Variants in PCDHGA2 observed in about 807,000 individuals in gnomAD.
PCDHGA2 encodes protocadherin gamma subfamily A, 2.
A neutral mutation model predicts 59.2 loss-of-function variants in PCDHGA2; 40 were observed. The observed-to-expected ratio is 0.68, with a 90% CI of 0.52 to 0.88. The LOEUF (loss-of-function observed/expected upper bound fraction) is 0.88. Ranked by LOEUF, PCDHGA2 falls within the 40% of genes least tolerant of loss-of-function variation. The pLI is 0.00. For synonymous variants in PCDHGA2, 560 were observed against 526.0 expected, an observed-to-expected ratio of 1.06 and a Z score of -0.89; for missense variants, 1,226 against 1,204.0, an observed-to-expected ratio of 1.02 and a Z score of -0.27.
chr5:141,495,041 G>A, intron 2 of PCDHGA2, 176 bp downstream of exon 2: 1 of 942,350 alleles, frequency 1.1e-6, no homozygotes, highest in Non-Finnish European at 1.3e-6. Flanking sequence ...AGGAAGAGGC[G>A]ACTGCCCTGA....
intron 1 of PCDHGA2, among the ~76,000 whole-genome samples, chr5:141,347,203 G>A (rs1015236028): frequency 1.0e-5 from 1 of 98,898 alleles, no homozygotes; most frequent in Non-Finnish European, 2.0e-5. Context: ...ACTCTGTCTG[G>A]AGTGCAGTGG....
chr5:141,350,949 C>A, intron 1 of PCDHGA2: 1 of 1,614,064 alleles, frequency 6.2e-7, no homozygotes, highest in Non-Finnish European at 8.5e-7. Flanking sequence ...ATCCGAGTTA[C>A]GGATGCCAAT....
chr5:141,450,815 A>AT (rs1554136868), intron 1 of PCDHGA2, among the ~76,000 whole-genome samples: 4,329 of 126,688 alleles, frequency 0.034, 70 homozygotes, highest in Middle Eastern at 0.091. Flanking sequence ...TATTTATTTA[A>AT]TATTATTATT....
At chr5:141,406,109 G>C (rs2094766123) in intron 1 of PCDHGA2, among the ~76,000 whole-genome samples, 1 of 144,746 alleles carries the variant, frequency 6.9e-6, no homozygotes, top group South Asian at 2.2e-4. Flanking sequence ...GTGTCATTCT[G>C]TTGTCCAGGG....
chr5:141,375,048 G>A (rs1457528416), intron 1 of PCDHGA2: 4 of 1,614,022 alleles, frequency 2.5e-6, no homozygotes, highest in South Asian at 1.1e-5. Flanking sequence ...GTTGAAGCCC[G>A]GGATGGGCCA....
intron 1 of PCDHGA2, chr5:141,361,013 A>T: frequency 6.2e-7 from 1 of 1,613,268 alleles, no homozygotes; most frequent in Non-Finnish European, 8.5e-7. Flanking sequence ...CACTTTTTCA[A>T]CTTAAATGAA....
At chr5:141,414,932 C>T (rs770025434) in intron 1 of PCDHGA2, 3 of 1,614,162 alleles carry the variant, frequency 1.9e-6, no homozygotes, top group Middle Eastern at 1.7e-4. Context: ...CCCCGCTCCG[C>T]AGAGCCCGGC....
chr5:141,343,178 C>T, intron 1 of PCDHGA2: 1 of 484,862 alleles, frequency 2.1e-6, no homozygotes, highest in Non-Finnish European at 2.7e-6. Context: ...CACCTTAAAT[C>T]CCCAAACATA....
At chr5:141,506,103 C>T (rs1001709380) in intron 3 of PCDHGA2, among the ~76,000 whole-genome samples, 2 of 152,144 alleles carry the variant, frequency 1.3e-5, no homozygotes, top group Admixed American at 1.3e-4. Context: ...GTGGTTGTCC[C>T]TGAAGAGTCA....
intron 1 of PCDHGA2, among the ~76,000 whole-genome samples, chr5:141,405,668 G>A (rs1468042334): frequency 6.6e-6 from 1 of 152,100 alleles, no homozygotes; most frequent in Non-Finnish European, 1.5e-5. Context: ...AGTAGAGACG[G>A]GGTGTCACCA....
chr5:141,503,268 C>A (rs1038268807), intron 2 of PCDHGA2, among the ~76,000 whole-genome samples: 6 of 152,068 alleles, frequency 3.9e-5, no homozygotes, highest in African/African-American at 7.2e-5. Context: ...AACCCCAGCA[C>A]CTGGCTCTGT....
At chr5:141,422,038 G>A (rs949164524) in intron 1 of PCDHGA2, 9 of 1,611,746 alleles carry the variant, frequency 5.6e-6, no homozygotes, top group Non-Finnish European at 7.6e-6. Context: ...AACGGATCCA[G>A]ACGAGGGAAT....
Position 141,432,831 on chromosome 5 carries a change from T to C in PCDHGA2, c.2425-61976T>C. 1 of 1,614,206 alleles carries C rather than the reference T, an allele frequency of 6.2e-7. No individual in the cohort carries two copies. Among genetic ancestry groups the C allele is most frequent in the Non-Finnish European group, 8.5e-7 (1 of 1,180,006 alleles). ...AACTCTGAAACCTCAGACCTCACTC[T>C]GTACCTGGTGGTAGCGGTGGCCGCG... On this transcript the variant is annotated intron_variant, in intron 1 of 3. Coordinates refer to ENST00000394576, the MANE Select transcript of PCDHGA2 (RefSeq NM_018915.4). The surrounding 1 kb of genome is among the most constrained non-coding windows in gnomAD (Gnocchi z 6.0).
In PCDHGA2 at chr5:141,477,963, A is replaced by C; in HGVS notation, c.2425-16844A>C. ...TACAGTCTCTTGGGATCCCCTAACC[A>C]GAGCCTTTTTGCCATAGGGCTGCAC... On this transcript the variant is annotated intron_variant, in intron 1 of 3. Coordinates refer to ENST00000394576, the MANE Select transcript of PCDHGA2 (RefSeq NM_018915.4). The surrounding 1 kb of genome is among the most constrained non-coding windows in gnomAD (Gnocchi z 4.9). The C allele has an allele frequency of 1.2e-6, 2 of 1,614,118 alleles. No individual in the cohort carries two copies. The highest frequency in any genetic ancestry group is 1.7e-6 in the Non-Finnish European group (2 of 1,180,024).
intron 1 of PCDHGA2, chr5:141,414,130 T>C (rs761622500): frequency 6.3e-7 from 1 of 1,594,602 alleles, no homozygotes; most frequent in South Asian, 1.1e-5. Context: ...AACCGGTTTC[T>C]ATGAAATAGA....
chr5:141,501,296 C>T (rs4912760), intron 2 of PCDHGA2, among the ~76,000 whole-genome samples: 1,659 of 80,026 alleles, frequency 0.021, 16 homozygotes, highest in African/African-American at 0.042. Flanking sequence ...CTTATACACA[C>T]ACACACACAC....
chr5:141,504,541 C>G (rs1050153403), intron 2 of PCDHGA2, among the ~76,000 whole-genome samples: 2 of 151,728 alleles, frequency 1.3e-5, no homozygotes, highest in Non-Finnish European at 2.9e-5. Context: ...GTCATCATGG[C>G]AAATGTTGGG....
intron 1 of PCDHGA2, chr5:141,361,457 A>G: frequency 6.2e-7 from 1 of 1,614,036 alleles, no homozygotes; most frequent in Non-Finnish European, 8.5e-7. Context: ...GTCACCCTGC[A>G]CATCTCCGAC....
intron 1 of PCDHGA2, chr5:141,344,973 T>A: frequency 6.2e-7 from 1 of 1,613,876 alleles, no homozygotes; most frequent in East Asian, 2.2e-5. Flanking sequence ...GGATGCCATG[T>A]TCTATGAAAT....
Sources: gnomAD v4.1 joint callset for allele counts (sites outside exome capture counted in the v4.1 genomes callset) on GRCh38, gnomAD v4.1.1 for gene constraint, Gnocchi (gnomAD v3.1) non-coding constraint, MANE v1.5 for transcripts, NCBI Gene and HGNC (gene_info 2026-07-23, HGNC 2026-07-21) for gene names.